The following PLCXD3 variants were observed in gnomAD, a reference collection of about 807,000 sequenced individuals.
PLCXD3 encodes the protein phosphatidylinositol specific phospholipase C X domain containing 3, also known as PI-PLC X domain-containing protein 3.
A neutral mutation model predicts 25.5 loss-of-function variants in PLCXD3; 19 were observed. The ratio of observed to expected loss-of-function variants is 0.75; its 90% CI spans 0.52 to 1.09. The LOEUF (loss-of-function observed/expected upper bound fraction) is 1.09. Ranked by LOEUF, PLCXD3 falls within the 50% of genes least tolerant of loss-of-function variation. The pLI is 0.00. For missense variants in PLCXD3, 411 were observed against 388.1 expected (o/e 1.06, Z -0.50); for synonymous variants, 174 against 137.6 (o/e 1.26, Z -1.85).
intron 2 of PLCXD3, among the ~76,000 whole-genome samples, chr5:41,362,314 T>C (rs528577701): frequency 1.3e-5 from 2 of 152,046 alleles, no homozygotes; most frequent in Admixed American, 1.3e-4. Flanking sequence ...GTGTAGGGGG[T>C]GAAAAAAAGC....
chr5:41,365,320 G>A (rs770991088), intron 2 of PLCXD3, among the ~76,000 whole-genome samples: 2 of 152,288 alleles, frequency 1.3e-5, no homozygotes, highest in Non-Finnish European at 2.9e-5. Flanking sequence ...GCAATGAAAG[G>A]TAAAGTTCAG....
intron 2 of PLCXD3, among the ~76,000 whole-genome samples, chr5:41,316,215 C>G (rs956838042): frequency 3.9e-5 from 6 of 152,136 alleles, no homozygotes; most frequent in African/African-American, 7.2e-5. Context: ...GGTCCCCGTT[C>G]CAGGCCCTAG....
At chr5:41,327,336 C>T (rs571350703) in intron 2 of PLCXD3, among the ~76,000 whole-genome samples, 1 of 152,182 alleles carries the variant, frequency 6.6e-6, no homozygotes, top group Non-Finnish European at 1.5e-5. Context: ...GCTGTGGAGT[C>T]TAAGCTTGAC....
chr5:41,510,102 G>A (rs1739007082), intron 1 of PLCXD3, among the ~76,000 whole-genome samples: 1 of 152,074 alleles, frequency 6.6e-6, no homozygotes, highest in Non-Finnish European at 1.5e-5. Flanking sequence ...CAAATCTGCA[G>A]GAGAAACCAT....
chr5:41,477,690 AC>A (rs1295206852), intron 1 of PLCXD3, among the ~76,000 whole-genome samples: 5 of 151,812 alleles, frequency 3.3e-5, no homozygotes, highest in Non-Finnish European at 7.4e-5. Context: ...TAAAAAAAAA[AC>A]CTCATCTGGG....
chr5:41,316,545 A>T (rs2150468092), intron 2 of PLCXD3, among the ~76,000 whole-genome samples: 1 of 152,328 alleles, frequency 6.6e-6, no homozygotes, highest in South Asian at 2.1e-4. Context: ...TAGAGCACCA[A>T]GCAGACTCTT....
chr5:41,497,300 A>G (rs980258852), intron 1 of PLCXD3, among the ~76,000 whole-genome samples: 3 of 151,918 alleles, frequency 2.0e-5, no homozygotes, highest in Non-Finnish European at 4.4e-5. Flanking sequence ...CTTGCTTTAG[A>G]CTTGAGAACA....
intron 2 of PLCXD3, among the ~76,000 whole-genome samples, chr5:41,321,368 G>A (rs1743465995): frequency 6.6e-6 from 1 of 151,714 alleles, no homozygotes. Flanking sequence ...TAAGTACCTA[G>A]GAATAAACCA....
At chr5:41,344,843 C>G (rs909094785) in intron 2 of PLCXD3, among the ~76,000 whole-genome samples, 1 of 152,008 alleles carries the variant, frequency 6.6e-6, no homozygotes, top group African/African-American at 2.4e-5. Context: ...TATAAAGAAT[C>G]ATTCATTCAA....
At chr5:41,454,347 T>C (rs928807478) in intron 1 of PLCXD3, among the ~76,000 whole-genome samples, 2 of 152,016 alleles carry the variant, frequency 1.3e-5, no homozygotes, top group Non-Finnish European at 2.9e-5. Context: ...GAGGCTGGGT[T>C]GCCTAAGATC....
chr5:41,357,915 G>C (rs985836440), intron 2 of PLCXD3, among the ~76,000 whole-genome samples: 3 of 152,088 alleles, frequency 2.0e-5, no homozygotes, highest in African/African-American at 7.2e-5. Context: ...ATCATAATCT[G>C]TATTACAATA....
chr5:41,313,934 T>C (rs987027670), intron 2 of PLCXD3, among the ~76,000 whole-genome samples, 164 bp from the exon 3 acceptor site: 1 of 152,190 alleles, frequency 6.6e-6, no homozygotes, highest in African/African-American at 2.4e-5. Flanking sequence ...TTTTTTAACC[T>C]TTGAAGAAAC....
intron 2 of PLCXD3, among the ~76,000 whole-genome samples, chr5:41,352,006 A>G (rs1426690486): frequency 2.0e-5 from 3 of 152,222 alleles, no homozygotes; most frequent in Admixed American, 6.5e-5. Context: ...ATTGCATTTC[A>G]AAACTATGTC....
chr5:41,483,488 T>A (rs1386893703), intron 1 of PLCXD3, among the ~76,000 whole-genome samples: 1 of 152,194 alleles, frequency 6.6e-6, no homozygotes, highest in Admixed American at 6.5e-5. Flanking sequence ...AGATAAAATA[T>A]ATGCTATATC....
intron 2 of PLCXD3, among the ~76,000 whole-genome samples, chr5:41,335,841 G>A (rs892580273): frequency 1.3e-5 from 2 of 152,104 alleles, no homozygotes; most frequent in African/African-American, 4.8e-5. Flanking sequence ...GCTCTGAATA[G>A]CCTTGCATGG....
intron 1 of PLCXD3, among the ~76,000 whole-genome samples, chr5:41,488,062 C>A: frequency 2.0e-5 from 2 of 101,552 alleles, no homozygotes; most frequent in South Asian, 4.4e-4. Flanking sequence ...AGCTATCCCT[C>A]CCCCCTCCCC....
At chr5:41,377,186 A>G (rs1425760517) in intron 2 of PLCXD3, among the ~76,000 whole-genome samples, 1 of 152,124 alleles carries the variant, frequency 6.6e-6, no homozygotes, top group Admixed American at 6.6e-5. Context: ...TCTAAGGCTC[A>G]GTCCCTTTAT....
intron 1 of PLCXD3, among the ~76,000 whole-genome samples, chr5:41,393,191 A>G (rs1477373842): frequency 1.3e-5 from 2 of 152,220 alleles, no homozygotes; most frequent in South Asian, 2.1e-4. Flanking sequence ...TTAGAGAAAG[A>G]TATCAACATC....
intron 1 of PLCXD3, among the ~76,000 whole-genome samples, chr5:41,428,966 G>T (rs1487520495): frequency 1.3e-5 from 2 of 152,096 alleles, no homozygotes; most frequent in Middle Eastern, 3.2e-3. Context: ...TACTGGAATA[G>T]TCAGACTACG....
Sources: gnomAD v4.1 joint callset for allele counts (sites outside exome capture counted in the v4.1 genomes callset) on GRCh38, gnomAD v4.1.1 for gene constraint, MANE v1.5 for transcripts, NCBI Gene and HGNC (gene_info 2026-07-23, HGNC 2026-07-21) for gene names.